The following GATAD2A variants were observed in gnomAD, a reference collection of about 807,000 sequenced individuals.
GATAD2A encodes the protein transcriptional repressor p66-alpha.
GATAD2A carries 12 observed loss-of-function variants against 68.5 expected under a neutral mutation model. The ratio of observed to expected loss-of-function variants is 0.18; its 90% confidence interval spans 0.11 to 0.28. The LOEUF (loss-of-function observed/expected upper bound fraction) is 0.28, where lower values mean the gene tolerates loss of function less well. Among genes scored for constraint, GATAD2A ranks in the 10% least tolerant of loss-of-function variants. The probability of loss-of-function intolerance (pLI) is 1.00; values close to 1 mark genes in which losing one functional copy is unlikely to be tolerated. For synonymous variants in GATAD2A, 410 were observed against 375.3 expected, an observed-to-expected ratio of 1.09 and a Z score of -1.07; for missense variants, 755 against 868.5, an observed-to-expected ratio of 0.87 and a Z score of 1.64.
chr19:19,464,492 C>G (rs1047606611), intron 1 of GATAD2A, among the ~76,000 whole-genome samples: 1 of 152,138 alleles, frequency 6.6e-6, no homozygotes, highest in Non-Finnish European at 1.5e-5. Flanking sequence ...GCTGTGCTGT[C>G]GTCCTGTCTC....
rs1461030349 is a variant in GATAD2A at position 19,388,016 on chromosome 19, CTCTT to C, written c.-7+1880_-7+1883del. On this transcript the variant is annotated intron_variant, in intron 1 of 11. Transcript: ENST00000360315. ...TCCTCTTGATTTTCTAAGGGAGAAA[CTCTT>C]TATTTATCCTTGGAGCACTCACATC... is the stretch of plus-strand genomic sequence containing the variant. 4.0e-5 allele frequency among the ~76,000 whole-genome samples: 6 copies of C among 151,648 alleles called. No individual in the cohort carries two copies. The South Asian group carries it at 1.2e-3, about 32-fold the overall frequency.
At chr19:19,484,668 G>A (rs2059313302) in intron 2 of GATAD2A, among the ~76,000 whole-genome samples, 1 of 151,584 alleles carries the variant, frequency 6.6e-6, no homozygotes, top group Admixed American at 6.6e-5. Flanking sequence ...CGAGTAGCTG[G>A]GACTACAGGC....
Position 19,505,404 on chromosome 19 carries a change from A to G in GATAD2A, c.1835A>G (p.Asp612Gly), listed in dbSNP as rs950161173. The G allele has an allele frequency of 6.2e-7, 1 of 1,612,624 alleles. No homozygotes were observed. The highest frequency in any genetic ancestry group is 1.1e-5 in the South Asian group (1 of 90,912). Residue 612 changes from aspartate (D) to glycine (G), a missense_variant, in exon 12 of 12, where the codon GAC becomes GGC. By Grantham distance (94) the Asp-to-Gly change is moderately conservative. Coordinates refer to ENST00000683918, the MANE Select transcript of GATAD2A (RefSeq NM_001384528.1). ...LAVHKSSSAVDRQREYLLDMI... is the reference protein window; with the variant it reads ...LAVHKSSSAVGRQREYLLDMI... ...GTGCACAAGAGCTCCTCGGCCGTGG[A>G]CCGCCAGCGAGAGTACCTCCTGGAC...
In GATAD2A at chr19:19,460,764, T is replaced by G. The variant is rs1012434072; in HGVS notation, c.-6-4576T>G. ...CCCTCTGCTCTGTCCCCTTCCCCAG[T>G]GTAGCTGCACCATAGGAACCGCTCC... On this transcript the variant is annotated intron_variant, in intron 1 of 11. Coordinates refer to ENST00000683918, the MANE Select transcript of GATAD2A (RefSeq NM_001384528.1). 2.6e-5 allele frequency among the ~76,000 whole-genome samples: 4 copies of G among 152,268 alleles called. No homozygotes were observed. The East Asian group carries it at 7.7e-4, about 29-fold the overall frequency.
At chr19:19,420,363 G>C (rs1351246563) in intron 1 of GATAD2A, among the ~76,000 whole-genome samples, 2 of 115,000 alleles carry the variant, frequency 1.7e-5, no homozygotes, top group East Asian at 5.2e-4. Context: ...ACGGGGTCTC[G>C]CTCTGTCACC....
intron 1 of GATAD2A, among the ~76,000 whole-genome samples, chr19:19,445,225 G>T (rs1209485250): frequency 6.6e-6 from 1 of 152,138 alleles, no homozygotes; most frequent in African/African-American, 2.4e-5. Context: ...TGGCAGTGTG[G>T]TTGTTTGGGG....
intron 2 of GATAD2A, among the ~76,000 whole-genome samples, chr19:19,491,907 C>T (rs1346868296): frequency 6.6e-6 from 1 of 152,236 alleles, no homozygotes; most frequent in Non-Finnish European, 1.5e-5. Flanking sequence ...ACCCAGCATG[C>T]TCAAGCCCCC....
chr19:19,505,973 ATT>A lies in GATAD2A; in HGVS notation c.*512_*513del, dbSNP rs111397533. On this transcript the variant is annotated 3_prime_UTR_variant, in exon 12 of 12. Coordinates refer to ENST00000683918, the MANE Select transcript of GATAD2A (RefSeq NM_001384528.1). ...CCCATGGCGATCTATAAGTTGAAAG[ATT>A]TTTTTTTTTTTTAATCACCTCATGA... is the stretch of plus-strand genomic sequence containing the variant. The A allele has an allele frequency of 1.7e-4, 65 of 372,460 alleles. No homozygotes were observed. Among genetic ancestry groups the A allele is most frequent in the African/African-American group, 5.6e-4 (26 of 46,708 alleles). 23.1% of individuals were successfully genotyped at this position (372,460 alleles called of 1,614,324 possible). A position where few individuals can be genotyped will look rare whatever the true frequency, so the allele number is the denominator to read the frequency against.
intron 1 of GATAD2A, among the ~76,000 whole-genome samples, chr19:19,440,766 A>G (rs1467171048): frequency 6.6e-6 from 1 of 152,234 alleles, no homozygotes; most frequent in Non-Finnish European, 1.5e-5. Flanking sequence ...GAATCTAGGT[A>G]CATGTCAGTT....
At chr19:19,441,689 A>G (rs1380061828) in intron 1 of GATAD2A, 9 of 175,064 alleles carry the variant, frequency 5.1e-5, no homozygotes, top group South Asian at 8.1e-5. Flanking sequence ...AGCCTCCCCA[A>G]CAGTAGCTGG....
rs1039910926 is a variant in GATAD2A at position 19,505,631 on chromosome 19, TG to T, written c.*159del. 3 of 630,366 alleles carry T rather than the reference TG, an allele frequency of 4.8e-6. No individual in the cohort carries two copies. Among genetic ancestry groups the T allele is most frequent in the Non-Finnish European group, 7.6e-6 (3 of 393,300 alleles). The allele number at this position is 630,366 out of a possible 1,614,324, so 39.0% of individuals were successfully genotyped here. On this transcript the variant is annotated 3_prime_UTR_variant, in exon 12 of 12. Coordinates refer to ENST00000683918, the MANE Select transcript of GATAD2A (RefSeq NM_001384528.1). ...GCTGCAGAGGCAAGACCTCAATTCTTGGCTGCAAAGTTTCATCAGGGCTAGG... is the reference window on the plus strand; with the variant it reads ...GCTGCAGAGGCAAGACCTCAATTCTTGCTGCAAAGTTTCATCAGGGCTAGG...
intron 1 of GATAD2A, among the ~76,000 whole-genome samples, chr19:19,413,550 A>T (rs1277929832): frequency 2.0e-5 from 3 of 151,964 alleles, no homozygotes; most frequent in African/African-American, 7.3e-5. Context: ...AGCCACTCTA[A>T]CCCAGGGAGA....
At position 19,494,287 on chromosome 19, in the gene GATAD2A, CTT is replaced by C. The variant is rs2059999184; in HGVS notation, c.535-6_535-5del. 1.9e-6 allele frequency: 3 copies of C among 1,593,716 alleles called. No individual in the cohort carries two copies. The African/African-American group carries it at 4.0e-5, about 21-fold the overall frequency. ...CCCTCACCTCCTGGTGTCCTGCTCT[CTT>C]GCAGCCCACAGGTTCTGTTGGGAGC... On this transcript the variant is annotated splice_region_variant and splice_polypyrimidine_tract_variant and intron_variant, in intron 4 of 11. Transcript: ENST00000683918.
At chr19:19,473,890 G>A (rs1274422659) in intron 2 of GATAD2A, 1 of 228,248 alleles carries the variant, frequency 4.4e-6, no homozygotes, top group Non-Finnish European at 7.3e-6. Context: ...GGCTTGCAGT[G>A]AGCCCAGATC....
intron 1 of GATAD2A, among the ~76,000 whole-genome samples, chr19:19,448,569 A>G (rs1017329812): frequency 2.0e-5 from 3 of 151,850 alleles, no homozygotes; most frequent in South Asian, 2.1e-4. Flanking sequence ...GCCCACTGCA[A>G]CCTCCGCCTG....
intron 1 of GATAD2A, among the ~76,000 whole-genome samples, chr19:19,410,808 C>T (rs1026550709): frequency 2.6e-5 from 4 of 152,228 alleles, no homozygotes; most frequent in Admixed American, 6.5e-5. Context: ...TCTGCCCAGC[C>T]ACTTCCTAGC....
chr19:19,467,255 A>G (rs1334577645), intron 2 of GATAD2A, among the ~76,000 whole-genome samples: 1 of 152,178 alleles, frequency 6.6e-6, no homozygotes, highest in Non-Finnish European at 1.5e-5. Flanking sequence ...GGGTGCCTGT[A>G]GTCCCAGTGA....
intron 2 of GATAD2A, among the ~76,000 whole-genome samples, chr19:19,479,404 G>A (rs2058897448): frequency 6.6e-6 from 1 of 152,132 alleles, no homozygotes; most frequent in South Asian, 2.1e-4. Context: ...TATTTTAACC[G>A]AGTTCATACT....
In GATAD2A at chr19:19,444,866, G is replaced by A. The variant is rs1401728728; in HGVS notation, c.-6-20474G>A. 6.7e-5 allele frequency among the ~76,000 whole-genome samples: 5 copies of A among 74,136 alleles called. No individual in the cohort carries two copies. The Admixed American group carries it at 7.5e-4, about 11-fold the overall frequency. The allele number at this position is 74,136 out of a possible 152,430, so 48.6% of individuals were successfully genotyped here. ...AGCCTGGACAACAGAGTGAGACCTC[G>A]TCCCTTAAAAAAAAAAAAAAAAAAG... is the stretch of plus-strand genomic sequence containing the variant. On this transcript the variant is annotated intron_variant, in intron 1 of 11. Transcript: ENST00000683918.
Sources: gnomAD v4.1 joint callset for allele counts (sites outside exome capture counted in the v4.1 genomes callset) on GRCh38, gnomAD v4.1.1 for gene constraint, MANE v1.5 for transcripts, NCBI Gene and HGNC (gene_info 2026-07-23, HGNC 2026-07-21) for gene names.